Variants in TRIO observed in about 807,000 individuals in gnomAD.
TRIO encodes trio Rho guanine nucleotide exchange factor, also known as triple functional domain protein.
TRIO carries 58 observed loss-of-function variants against 351.9 expected under a neutral mutation model. The ratio of observed to expected loss-of-function variants is 0.16; its 90% CI spans 0.13 to 0.21. The LOEUF (loss-of-function observed/expected upper bound fraction) is 0.21. TRIO is among the 10% of genes least tolerant of loss of function. TRIO has a pLI of 1.00. For missense variants in TRIO, 3,201 were observed against 4,027.8 expected (o/e 0.79, Z 5.56); for synonymous variants, 1,758 against 1,595.7 (o/e 1.10, Z -2.42).
At chr5:14,379,174 A>G (rs569121858) in intron 20 of TRIO, among the ~76,000 whole-genome samples, 6 of 152,278 alleles carry the variant, frequency 3.9e-5, no homozygotes, top group African/African-American at 1.4e-4. Context: ...TGGGTGCCTT[A>G]AAGTCCCCCA....
chr5:14,214,225 G>C (rs781443078), intron 1 of TRIO, among the ~76,000 whole-genome samples: 41 of 152,204 alleles, frequency 2.7e-4, no homozygotes, highest in Non-Finnish European at 4.4e-4. Flanking sequence ...GGTGGCATCA[G>C]TTGCTCTCTG....
chr5:14,184,544 CA>C (rs1201912256), intron 1 of TRIO, among the ~76,000 whole-genome samples: 1 of 152,180 alleles, frequency 6.6e-6, no homozygotes, highest in African/African-American at 2.4e-5. Flanking sequence ...TAGTGTAATT[CA>C]GGACTTCATT....
chr5:14,200,149 G>C (rs1230630538), intron 1 of TRIO, among the ~76,000 whole-genome samples: 1 of 152,150 alleles, frequency 6.6e-6, no homozygotes. Context: ...CAGGCATTAT[G>C]TACTAGGGGC....
chr5:14,289,761 A>T (rs1409993788), intron 4 of TRIO, among the ~76,000 whole-genome samples: 1 of 151,934 alleles, frequency 6.6e-6, no homozygotes, highest in African/African-American at 2.4e-5. Flanking sequence ...GAGGCAGGAG[A>T]TCACTTGAAC....
rs1237166760 is a variant in TRIO, at chr5:14,485,264, A to G, written c.6835+18A>G. The G allele has an allele frequency of 1.9e-6, 3 of 1,559,970 alleles. No individual in the cohort carries two copies. The highest frequency in any genetic ancestry group is 2.6e-6 in the Non-Finnish European group (3 of 1,145,614). Reference sequence around the variant, plus strand: ...TTTAAATGGTAATGTGTGTTCTGTTACTAGATGTGTGCTTTCTTTCCTCGT... The same window carrying G: ...TTTAAATGGTAATGTGTGTTCTGTTGCTAGATGTGTGCTTTCTTTCCTCGT... On this transcript the variant is annotated intron_variant, in intron 47 of 56. Coordinates refer to ENST00000344204, the MANE Select transcript of TRIO (RefSeq NM_007118.4).
chr5:14,460,876 G>A, intron 34 of TRIO, 143 bp from the exon 35 acceptor site: 2 of 906,094 alleles, frequency 2.2e-6, no homozygotes, highest in East Asian at 2.7e-5. Flanking sequence ...ATCAGCCCCT[G>A]TCATCTCACA....
At position 14,368,915 on chromosome 5, in the gene TRIO, CCCTT is replaced by C; in HGVS notation, c.3066+21_3066+24del. 2 of 1,607,384 alleles carry C rather than the reference CCCTT, an allele frequency of 1.2e-6. No homozygotes were observed. The highest frequency in any genetic ancestry group is 1.7e-6 in the Non-Finnish European group (2 of 1,174,982). ...CTCAGAGCAGGTCAGGGGAGAGGTT[CCCTT>C]CCTTGAACTCCACTGATACTTTATT... is the stretch of plus-strand genomic sequence containing the variant. On this transcript the variant is annotated intron_variant, in intron 17 of 56. Transcript: ENST00000344204.
At chr5:14,165,106 C>T (rs1788689031) in intron 1 of TRIO, among the ~76,000 whole-genome samples, 1 of 152,190 alleles carries the variant, frequency 6.6e-6, no homozygotes, top group Non-Finnish European at 1.5e-5. Flanking sequence ...TTCCCAGTAG[C>T]TCTACTTTTA....
Position 14,143,718 on chromosome 5 carries a change from C to T in TRIO, c.-8C>T, listed in dbSNP as rs1364405997. 2 of 977,328 alleles carry T rather than the reference C, an allele frequency of 2.0e-6. No homozygotes were observed. The highest frequency in any genetic ancestry group is 2.4e-6 in the Non-Finnish European group (2 of 826,386). 60.5% of individuals were successfully genotyped at this position (977,328 alleles called of 1,614,324 possible). Reference sequence around the variant, plus strand: ...GAGGCGGGCGCGGCCGCGGGCGCCGCCGCAGCCATGAGCGGCAGCAGCGGC... The same window carrying T: ...GAGGCGGGCGCGGCCGCGGGCGCCGTCGCAGCCATGAGCGGCAGCAGCGGC... On this transcript the variant is annotated 5_prime_UTR_variant, in exon 1 of 57. Transcript: ENST00000344204.
chr5:14,340,748 T>C (rs1046632978), intron 11 of TRIO, among the ~76,000 whole-genome samples: 3 of 152,182 alleles, frequency 2.0e-5, no homozygotes, highest in Non-Finnish European at 4.4e-5. Context: ...ACCAGGCTCT[T>C]AGACTCCAAA....
chr5:14,434,261 A>G (rs1286375575), intron 34 of TRIO, among the ~76,000 whole-genome samples: 1 of 152,206 alleles, frequency 6.6e-6, no homozygotes, highest in Non-Finnish European at 1.5e-5. Flanking sequence ...AATTTTGTTC[A>G]TTCTTTTGTC....
chr5:14,256,679 T>C (rs1396501752), intron 1 of TRIO, among the ~76,000 whole-genome samples: 2 of 152,218 alleles, frequency 1.3e-5, no homozygotes, highest in Non-Finnish European at 2.9e-5. Flanking sequence ...TGTTTTACCA[T>C]AAAGTGAGTA....
At chr5:14,463,060 T>C (rs1753952684) in intron 36 of TRIO, 135 bp downstream of exon 36, 2 of 1,153,296 alleles carry the variant, frequency 1.7e-6, no homozygotes, top group Non-Finnish European at 2.3e-6. Context: ...CAGTGCTCTT[T>C]CAGGCAGCGT....
intron 33 of TRIO, among the ~76,000 whole-genome samples, chr5:14,415,568 T>C (rs983396232): frequency 3.9e-5 from 6 of 152,358 alleles, no homozygotes; most frequent in East Asian, 3.9e-4. Flanking sequence ...GACAGTGATA[T>C]GACATGGTTT....
At chr5:14,245,664 T>G (rs1215754418) in intron 1 of TRIO, among the ~76,000 whole-genome samples, 1 of 152,136 alleles carries the variant, frequency 6.6e-6, no homozygotes, top group Non-Finnish European at 1.5e-5. Flanking sequence ...TTCTTGACCG[T>G]TTTTGCACCG....
intron 34 of TRIO, among the ~76,000 whole-genome samples, chr5:14,459,939 G>A (rs182703741): frequency 1.3e-5 from 2 of 151,682 alleles, no homozygotes; most frequent in South Asian, 4.2e-4. Flanking sequence ...TTTTGGGGAT[G>A]CAGTTTCGCT....
chr5:14,220,041 T>C (rs951905251), intron 1 of TRIO, among the ~76,000 whole-genome samples: 12 of 146,870 alleles, frequency 8.2e-5, no homozygotes, highest in African/African-American at 2.9e-4. Context: ...CTTCTTCCTC[T>C]TCTTCTTCTT....
intron 33 of TRIO, among the ~76,000 whole-genome samples, chr5:14,418,283 G>T (rs1360299525): frequency 1.3e-5 from 2 of 152,154 alleles, no homozygotes; most frequent in African/African-American, 4.8e-5. Flanking sequence ...AGGCCTTTGT[G>T]TGTGAGGGTT....
At chr5:14,486,975 A>C (rs1224538223) in intron 47 of TRIO, among the ~76,000 whole-genome samples, 1 of 152,174 alleles carries the variant, frequency 6.6e-6, no homozygotes, top group African/African-American at 2.4e-5. Flanking sequence ...TGAAGATGTA[A>C]GAAAACTCAG....
Sources: gnomAD v4.1 joint callset for allele counts (sites outside exome capture counted in the v4.1 genomes callset) on GRCh38, gnomAD v4.1.1 for gene constraint, MANE v1.5 for transcripts, NCBI Gene and HGNC (gene_info 2026-07-23, HGNC 2026-07-21) for gene names.